TRAPPC8: variants seen among roughly 807,000 people sequenced by gnomAD.
TRAPPC8 encodes the protein general sporulation gene 1 homolog.
In TRAPPC8, 54 loss-of-function variants were observed where a neutral mutation model predicts 174.3. The ratio of observed to expected loss-of-function variants is 0.31; its 90% CI spans 0.25 to 0.39. TRAPPC8 has a LOEUF of 0.39. Ranked by LOEUF, TRAPPC8 falls within the 10% of genes least tolerant of loss-of-function variation. The pLI is 1.00. For missense variants in TRAPPC8, 1,531 were observed against 1,699.1 expected, an observed-to-expected ratio of 0.90 and a Z score of 1.74; for synonymous variants, 630 against 579.9, an observed-to-expected ratio of 1.09 and a Z score of -1.24.
At chr18:31,927,562 C>T (rs552562925) in intron 2 of TRAPPC8, among the ~76,000 whole-genome samples, 1 of 152,142 alleles carries the variant, frequency 6.6e-6, no homozygotes, top group East Asian at 1.9e-4. Context: ...CAGCTACCAG[C>T]TAATTTTTTT....
At chr18:31,874,369 T>C (rs2035037020) in intron 13 of TRAPPC8, 111 bp downstream of exon 13, 1 of 1,167,536 alleles carries the variant, frequency 8.6e-7, no homozygotes, top group African/African-American at 1.6e-5. Context: ...TTTTTATGAC[T>C]GATAACTACA....
At position 31,900,921 on chromosome 18, in the gene TRAPPC8, C is replaced by A; in HGVS notation, c.1490+4G>T. 1.3e-6 allele frequency: 2 copies of A among 1,578,216 alleles called. No individual in the cohort carries two copies. Among genetic ancestry groups the A allele is most frequent in the Middle Eastern group, 1.7e-4 (1 of 5,908 alleles). ...TACAATATAAATCTTATATAGTCAC[C>A]TACTTGCAGATATCTCTGTATGTCT... On this transcript the variant is annotated splice_donor_region_variant and intron_variant, in intron 10 of 28. Transcript: ENST00000283351.
chr18:31,885,010 C>G (rs369328994), intron 12 of TRAPPC8, among the ~76,000 whole-genome samples: 2 of 151,462 alleles, frequency 1.3e-5, no homozygotes, highest in Admixed American at 1.3e-4. Flanking sequence ...CCCGCCACCA[C>G]GCCCGGCTAA....
intron 6 of TRAPPC8, 155 bp downstream of exon 6, chr18:31,909,512 A>G: frequency 1.0e-6 from 1 of 977,632 alleles, no homozygotes; most frequent in Non-Finnish European, 1.2e-6. Context: ...AAACTCAAGT[A>G]GCTCAGTAAA....
intron 26 of TRAPPC8, chr18:31,844,249 G>A (rs1192599376): frequency 6.6e-6 from 1 of 152,172 alleles, no homozygotes; most frequent in Non-Finnish European, 1.5e-5. Context: ...AAAAGAAGCC[G>A]AGGTATATAT....
At chr18:31,877,923 CAAAAAAAAAAA>C (rs147914322) in intron 12 of TRAPPC8, among the ~76,000 whole-genome samples, 1 of 74,636 alleles carries the variant, frequency 1.3e-5, no homozygotes, top group Non-Finnish European at 2.7e-5. Flanking sequence ...AACTCTGTCT[CAAAAAAAAAAA>C]AAAAAAAAGT....
At chr18:31,885,969 T>G (rs2035690823) in intron 12 of TRAPPC8, among the ~76,000 whole-genome samples, 1 of 151,786 alleles carries the variant, frequency 6.6e-6, no homozygotes, top group Non-Finnish European at 1.5e-5. Flanking sequence ...GAACGGCGCT[T>G]GCAACTTTTC....
intron 27 of TRAPPC8, among the ~76,000 whole-genome samples, chr18:31,834,875 C>T (rs1252096523): frequency 1.3e-5 from 2 of 152,086 alleles, no homozygotes; most frequent in African/African-American, 2.4e-5. Flanking sequence ...TTCTGAAACC[C>T]CCATTAAATT....
intron 25 of TRAPPC8, among the ~76,000 whole-genome samples, chr18:31,847,950 G>A (rs1203204181): frequency 1.3e-5 from 2 of 152,082 alleles, no homozygotes; most frequent in Non-Finnish European, 2.9e-5. Flanking sequence ...TCACAAAAAT[G>A]TTCAAGCTCT....
chr18:31,878,071 C>G (rs557293761), intron 12 of TRAPPC8, among the ~76,000 whole-genome samples: 1 of 152,124 alleles, frequency 6.6e-6, no homozygotes, highest in African/African-American at 2.4e-5. Context: ...GAAGAAGTTC[C>G]GCCCTGAGCC....
At chr18:31,892,681 G>C (rs970362507) in intron 11 of TRAPPC8, among the ~76,000 whole-genome samples, 2 of 151,996 alleles carry the variant, frequency 1.3e-5, no homozygotes, top group Admixed American at 6.6e-5. Context: ...CAAAGAATAA[G>C]AGTATATGTG....
At chr18:31,936,807 C>T (rs1355757429) in intron 1 of TRAPPC8, among the ~76,000 whole-genome samples, 3 of 146,276 alleles carry the variant, frequency 2.1e-5, no homozygotes, top group African/African-American at 5.1e-5. Context: ...GAGGCTGAGG[C>T]AGGAGAATTG....
chr18:31,832,351 AAT>A, intron 27 of TRAPPC8, 178 bp from the exon 28 acceptor site: 1 of 252,472 alleles, frequency 4.0e-6, no homozygotes, highest in Non-Finnish European at 7.4e-6. Flanking sequence ...GTAAATAAAA[AAT>A]ATATTAATAC....
At chr18:31,908,541 A>T in intron 7 of TRAPPC8, 123 bp from the exon 8 acceptor site, 1 of 890,746 alleles carries the variant, frequency 1.1e-6, no homozygotes, top group Non-Finnish European at 1.6e-6. Flanking sequence ...GATTTAAAGA[A>T]AACTGTCCAA....
Position 31,839,304 on chromosome 18 carries a change from GCTCAAAC to G in TRAPPC8, c.3983+1_3983+7del. ...AGAAAATTTTGGTAACAAAAATAAA[GCTCAAAC>G]CTTTTTTGATGAAATGGATGATTAA... is the stretch of plus-strand genomic sequence containing the variant. On this transcript the variant is annotated splice_donor_variant and splice_donor_5th_base_variant and intron_variant, in intron 27 of 28. Transcript: ENST00000283351. LOFTEE classifies it high-confidence loss of function. 1 of 1,591,982 alleles carries G rather than the reference GCTCAAAC, an allele frequency of 6.3e-7. No individual in the cohort carries two copies. The highest frequency in any genetic ancestry group is 8.5e-7 in the Non-Finnish European group (1 of 1,172,724).
intron 27 of TRAPPC8, among the ~76,000 whole-genome samples, chr18:31,834,760 C>T (rs2032607631): frequency 6.6e-6 from 1 of 152,102 alleles, no homozygotes. Flanking sequence ...TCTTTGTTAT[C>T]TCCTGTCACC....
chr18:31,849,761 T>A, intron 24 of TRAPPC8, 22 bp from the exon 25 acceptor site: 1 of 1,560,008 alleles, frequency 6.4e-7, no homozygotes, highest in South Asian at 1.2e-5. Flanking sequence ...AAATCACTTG[T>A]GTTCATAAAT....
chr18:31,846,951 A>T, intron 25 of TRAPPC8, 134 bp from the exon 26 acceptor site: 1 of 514,920 alleles, frequency 1.9e-6, no homozygotes, highest in Non-Finnish European at 3.4e-6. Flanking sequence ...CAATGTCACC[A>T]TTTCTACTTT....
Position 31,933,020 on chromosome 18 carries a change from A to AAAAAAAAAAAAAAAAG in TRAPPC8, c.158-1498_158-1497insCTTTTTTTTTTTTTTT, listed in dbSNP as rs1568153937. 1.1e-3 allele frequency among the ~76,000 whole-genome samples: 140 copies of AAAAAAAAAAAAAAAAG among 128,902 alleles called. 12 individuals carry two copies. The highest frequency in any genetic ancestry group is 4.0e-3 in the African/African-American group (131 of 32,674). 84.6% of individuals were successfully genotyped at this position (128,902 alleles called of 152,430 possible). A position where few individuals can be genotyped will look rare whatever the true frequency, so the allele number is the denominator to read the frequency against. On this transcript the variant is annotated intron_variant, in intron 1 of 28. Transcript: ENST00000283351. ...CTCAAAAAAAAAAAAAAAAAAAAAA[A>AAAAAAAAAAAAAAAAG]GCCGGGCGCAGTGGCTCACACCTGT... is the stretch of plus-strand genomic sequence containing the variant.
Sources: gnomAD v4.1 joint callset for allele counts (sites outside exome capture counted in the v4.1 genomes callset) on GRCh38, gnomAD v4.1.1 for gene constraint, MANE v1.5 for transcripts, NCBI Gene and HGNC (gene_info 2026-07-23, HGNC 2026-07-21) for gene names.